The following ADAMTS7 variants were observed in gnomAD, a reference collection of about 807,000 sequenced individuals.
The protein encoded by ADAMTS7 is A disintegrin and metalloproteinase with thrombospondin motifs 7.
A neutral mutation model predicts 172.6 loss-of-function variants in ADAMTS7; 89 were observed. The ratio of observed to expected loss-of-function variants is 0.52; its 90% confidence interval spans 0.43 to 0.61. The LOEUF (loss-of-function observed/expected upper bound fraction) is 0.61. Among genes scored for constraint, ADAMTS7 ranks in the 20% least tolerant of loss-of-function variants. ADAMTS7 has a pLI of 0.00. For missense variants in ADAMTS7, 1,973 were observed against 2,355.6 expected (o/e 0.84, Z 3.36); for synonymous variants, 885 against 978.4 (o/e 0.90, Z 1.78).
intron 23 of ADAMTS7, among the ~76,000 whole-genome samples, chr15:78,760,611 C>T (rs951386484): frequency 6.6e-6 from 1 of 152,144 alleles, no homozygotes; most frequent in African/African-American, 2.4e-5. Flanking sequence ...ACCCCACCTC[C>T]ACAGCAAATG....
At position 78,759,719 on chromosome 15, in the gene ADAMTS7, C is replaced by T. The variant is rs545273788; in HGVS notation, c.4904-141G>A. ...CCAGTTTCTGGAGCGGCTCCCGAAC[C>T]GGAGTTGCAGGTCTCCAACTGTTGC... On this transcript the variant is annotated intron_variant, in intron 23 of 23. Coordinates refer to ENST00000388820, the MANE Select transcript of ADAMTS7 (RefSeq NM_014272.5). The T allele has an allele frequency of 4.9e-4, 553 of 1,136,868 alleles. 2 individuals are homozygous for T. The East Asian group carries it at 5.3e-3, about 11-fold the overall frequency. The allele number at this position is 1,136,868 out of a possible 1,614,324, so 70.4% of individuals were successfully genotyped here.
chr15:78,777,508 T>TA lies in ADAMTS7; in HGVS notation c.1402dup (p.Tyr468LeufsTer2). On this transcript the variant is annotated frameshift_variant, in exon 9 of 24. Transcript: ENST00000388820. LOFTEE classifies it high-confidence loss of function. ...GAGGCGGCACTGGTGGCTTACATCA[T>TA]AGAGGACGCCAGGTGGCACCGAGGG... The TA allele has an allele frequency of 1.9e-6, 3 of 1,612,208 alleles. No homozygotes were observed. Among genetic ancestry groups the TA allele is most frequent in the Non-Finnish European group, 2.5e-6 (3 of 1,179,292 alleles).
At position 78,768,116 on chromosome 15, in the gene ADAMTS7, G is replaced by A. The variant is rs750549948; in HGVS notation, c.2645+17C>T. On this transcript the variant is annotated intron_variant, in intron 17 of 23. Coordinates refer to ENST00000388820, the MANE Select transcript of ADAMTS7 (RefSeq NM_014272.5). ...GGGATGGGGTGGGGAGTTGGCGGGGGATGGGGGCGGGCTCACCTGGCAGGG... is the reference window on the plus strand; with the variant it reads ...GGGATGGGGTGGGGAGTTGGCGGGGAATGGGGGCGGGCTCACCTGGCAGGG... 1.4e-6 allele frequency: 2 copies of A among 1,470,468 alleles called. No homozygotes were observed. The highest frequency in any genetic ancestry group is 2.6e-5 in the East Asian group (1 of 37,978). The allele number at this position is 1,470,468 out of a possible 1,614,324, so 91.1% of individuals were successfully genotyped here.
At chr15:78,786,767 G>A (rs528030740) in intron 8 of ADAMTS7, among the ~76,000 whole-genome samples, 2 of 152,226 alleles carry the variant, frequency 1.3e-5, no homozygotes, top group South Asian at 2.1e-4. Context: ...TACAAAAGAC[G>A]AATTGTATAA....
chr15:78,791,212 C>T lies in ADAMTS7; in HGVS notation c.831G>A (p.Leu277=), dbSNP rs529215668. ...VLTIMNMVAG[L]FHDPSIGNPI... is the part of the protein sequence containing the mutation. ...GGTTCCCAATGCTGGGGTCATGAAA[C>T]AGGCCAGCCACCTGCCCAAGAGATG... Residue 277 remains leucine, a synonymous_variant, in exon 5 of 24, where the codon CTG becomes CTA. Transcript: ENST00000388820. 6.2e-7 allele frequency: 1 copy of T among 1,612,974 alleles called. No homozygotes were observed. Among genetic ancestry groups the T allele is most frequent in the East Asian group, 2.2e-5 (1 of 44,876 alleles).
chr15:78,800,134 A>G (rs1596199718), intron 2 of ADAMTS7, 58 bp downstream of exon 2: 1 of 1,457,198 alleles, frequency 6.9e-7, no homozygotes. Context: ...GGCTAGAGCC[A>G]ATCTGCACAT....
chr15:78,802,739 G>T (rs1008487596), intron 1 of ADAMTS7, among the ~76,000 whole-genome samples: 2 of 152,322 alleles, frequency 1.3e-5, no homozygotes, highest in East Asian at 3.9e-4. Context: ...GCTCATGCCT[G>T]TAATCCTAGC....
rs1316793207 is a variant in ADAMTS7 at position 78,762,343 on chromosome 15, C to G, written c.4903+60G>C. On this transcript the variant is annotated intron_variant, in intron 23 of 23. Transcript: ENST00000388820. ...GCACAATGGTTTGACGACCCCATTT[C>G]CCCATCACCCTCCCCACCCCACCTC... 2.7e-5 allele frequency: 36 copies of G among 1,346,562 alleles called. 1 individual carries two copies. The South Asian group carries it at 6.1e-4, about 23-fold the overall frequency. The allele number at this position is 1,346,562 out of a possible 1,614,324, so 83.4% of individuals were successfully genotyped here. A position where few individuals can be genotyped will look rare whatever the true frequency, so the allele number is the denominator to read the frequency against.
At position 78,766,644 on chromosome 15, in the gene ADAMTS7, C is replaced by T. The variant is rs150434082; in HGVS notation, c.3267G>A (p.Ala1089=). ...GPSEEPDLDL[A]GTGDRTPPPH... Reference sequence around the variant, plus strand: ...GTGGGGGTGTCCGGTCCCCTGTCCCCGCCAGGTCTAGATCGGGCTCCTCAG... The same window carrying T: ...GTGGGGGTGTCCGGTCCCCTGTCCCTGCCAGGTCTAGATCGGGCTCCTCAG... The change falls in exon 19 of 24, where the codon GCG becomes GCA. Residue 1089 remains alanine, a synonymous_variant. Transcript: ENST00000388820. 7,029 of 1,610,188 alleles carry T rather than the reference C, an allele frequency of 4.4e-3. 26 individuals are homozygous for T. Among genetic ancestry groups the T allele is most frequent in the Non-Finnish European group, 5.3e-3 (6,276 of 1,179,398 alleles).
intron 20 of ADAMTS7, among the ~76,000 whole-genome samples, chr15:78,764,345 A>G (rs1309178142): frequency 6.6e-6 from 1 of 152,246 alleles, no homozygotes; most frequent in East Asian, 1.9e-4. Flanking sequence ...ACAAGTCCAG[A>G]TGGGGTCAAA....
At chr15:78,787,414 AG>A (rs2055518210) in intron 8 of ADAMTS7, among the ~76,000 whole-genome samples, 1 of 151,292 alleles carries the variant, frequency 6.6e-6, no homozygotes, top group African/African-American at 2.4e-5. Flanking sequence ...CTGTAATTCC[AG>A]CACTCTGGGA....
Position 78,766,240 on chromosome 15 carries a change from G to A in ADAMTS7, c.3671C>T (p.Pro1224Leu), listed in dbSNP as rs747811343. ...CAGGTGGGGTGCTCCTCGGCCCTTG[G>A]GTTCCTCATCATCCTTGAAAACCTC... ...TNEVFKDDEE[P>L]KGRGAPHLPP... The change falls in exon 19 of 24, where the codon CCC becomes CTC. Residue 1224 changes from proline (P) to leucine (L), a missense_variant. Pro to Leu is a moderately conservative substitution (Grantham distance 98). This residue lies in a region of ADAMTS7 where 771 missense variants were observed against 952.6 expected (regional missense o/e 0.81). Transcript: ENST00000388820. The A allele has an allele frequency of 6.2e-7, 1 of 1,611,836 alleles. No individual in the cohort carries two copies. The highest frequency in any genetic ancestry group is 1.1e-5 in the South Asian group (1 of 91,026).
At chr15:78,782,396 C>A (rs1258578148) in intron 8 of ADAMTS7, among the ~76,000 whole-genome samples, 23 of 119,658 alleles carry the variant, frequency 1.9e-4, no homozygotes, top group African/African-American at 6.6e-4. Context: ...CACCCCAGTA[C>A]TCCCTCTTCC....
intron 10 of ADAMTS7, 137 bp downstream of exon 10, chr15:78,776,612 G>A (rs2055349467): frequency 3.1e-6 from 3 of 979,122 alleles, no homozygotes; most frequent in South Asian, 1.6e-5. Flanking sequence ...TGCAGATGGG[G>A]GCTTGGGCTG....
In ADAMTS7 at chr15:78,788,296, G is replaced by C; in HGVS notation, c.1257C>G (p.Leu419=). The C allele has an allele frequency of 3.1e-6, 5 of 1,613,820 alleles. No individual in the cohort carries two copies. The highest frequency in any genetic ancestry group is 3.4e-6 in the Non-Finnish European group (4 of 1,180,018). Residue 419 remains leucine, a synonymous_variant, in exon 8 of 24, where the codon CTC becomes CTG. Transcript: ENST00000388820. The part of the protein sequence containing the change: ...GKRPFIMSPQ[L]LYDAAPLTWS... ...AGGTGAGGGGAGCGGCGTCGTACAGGAGCTGTGGAGACATGATGAAAGGTC... is the reference window on the plus strand; with the variant it reads ...AGGTGAGGGGAGCGGCGTCGTACAGCAGCTGTGGAGACATGATGAAAGGTC...
At position 78,790,548 on chromosome 15, in the gene ADAMTS7, G is replaced by T. The variant is rs752626039; in HGVS notation, c.1028+122C>A. The T allele has an allele frequency of 2.2e-6, 3 of 1,343,900 alleles. No individual in the cohort carries two copies. In the African/African-American group the frequency reaches 4.4e-5, roughly 20 times the overall value. 83.2% of individuals were successfully genotyped at this position (1,343,900 alleles called of 1,614,324 possible). A position where few individuals can be genotyped will look rare whatever the true frequency, so the allele number is the denominator to read the frequency against. On this transcript the variant is annotated intron_variant, in intron 6 of 23. Coordinates refer to ENST00000388820, the MANE Select transcript of ADAMTS7 (RefSeq NM_014272.5). ...GAATCCAGCCTTGGGCCAAAGGTGC[G>T]CAAACTCTCCTCAAAATTGGGCTCC...
chr15:78,789,038 T>C (rs1596193086), intron 7 of ADAMTS7, among the ~76,000 whole-genome samples: 2 of 152,170 alleles, frequency 1.3e-5, no homozygotes, highest in African/African-American at 4.8e-5. Context: ...AGCTTCAAGG[T>C]CCTGCAGGCA....
Position 78,767,272 on chromosome 15 carries a change from C to G in ADAMTS7, c.2859+107G>C, listed in dbSNP as rs928354930. The G allele has an allele frequency of 4.3e-6, 6 of 1,405,054 alleles. No homozygotes were observed. In the Admixed American group the frequency reaches 1.2e-4, roughly 28 times the overall value. 87.0% of individuals were successfully genotyped at this position (1,405,054 alleles called of 1,614,324 possible). A position where few individuals can be genotyped will look rare whatever the true frequency, so the allele number is the denominator to read the frequency against. ...GAGTCAGGGGCTGGACCCTGGAATG[C>G]CCAGGTTCCCTCCCACCCACAAGGT... On this transcript the variant is annotated intron_variant, in intron 18 of 23. Transcript: ENST00000388820.
Position 78,763,735 on chromosome 15 carries a change from G to C in ADAMTS7, c.4704C>G (p.His1568Gln), listed in dbSNP as rs757552302. Residue 1568 changes from histidine (H) to glutamine (Q), a missense_variant, in exon 22 of 24, where the codon CAC becomes CAG. Physicochemically the swap from His to Gln is conservative, Grantham distance 24. Around this residue, in one of 8 missense-constraint regions of ADAMTS7, gnomAD observed 218 missense variants for 216.9 expected, o/e 1.01. Coordinates refer to ENST00000388820, the MANE Select transcript of ADAMTS7 (RefSeq NM_014272.5). ...GCCCCACCACCCACTGCGTGCAGGG[G>C]TGGGTGTTGCAGGGCCGGGTGGTGT... ...RPNTTRPCNTHPCTQWVVGPW... is the reference protein window; with the variant it reads ...RPNTTRPCNTQPCTQWVVGPW... The C allele has an allele frequency of 1.3e-6, 2 of 1,593,140 alleles. No homozygotes were observed. Among genetic ancestry groups the C allele is most frequent in the African/African-American group, 1.3e-5 (1 of 74,844 alleles).
Sources: gnomAD v4.1 joint callset for allele counts (sites outside exome capture counted in the v4.1 genomes callset) on GRCh38, gnomAD v4.1.1 for gene constraint, gnomAD v4.1.1 regional missense constraint, MANE v1.5 for transcripts, NCBI Gene and HGNC (gene_info 2026-07-23, HGNC 2026-07-21) for gene names.